SSH2: variants seen among roughly 807,000 people sequenced by gnomAD.
The protein encoded by SSH2 is protein phosphatase Slingshot homolog 2.
In SSH2, 37 loss-of-function variants were observed where a neutral mutation model predicts 135.2. The observed-to-expected ratio is 0.27, with a 90% CI of 0.21 to 0.36. SSH2 has a LOEUF of 0.36. Ranked by LOEUF, SSH2 falls within the 10% of genes least tolerant of loss-of-function variation. The pLI, the probability that SSH2 is intolerant of heterozygous loss-of-function variation, is 1.00. For synonymous variants in SSH2, 628 were observed against 646.2 expected (o/e 0.97, Z 0.43); for missense variants, 1,408 against 1,765.3 (o/e 0.80, Z 3.63).
chr17:29,890,074 C>T (rs989308831), intron 1 of SSH2, among the ~76,000 whole-genome samples: 1 of 152,170 alleles, frequency 6.6e-6, no homozygotes, highest in African/African-American at 2.4e-5. Flanking sequence ...TGTTCAACAT[C>T]ATTAGCCACT....
chr17:29,639,907 A>G (rs1196089878), intron 14 of SSH2, among the ~76,000 whole-genome samples: 2 of 152,124 alleles, frequency 1.3e-5, no homozygotes, highest in Non-Finnish European at 2.9e-5. Flanking sequence ...CTCACCTATC[A>G]TGAGGATGTT....
At chr17:29,676,565 A>G in intron 8 of SSH2, 1 of 411,764 alleles carries the variant, frequency 2.4e-6, no homozygotes, top group East Asian at 4.8e-5. Flanking sequence ...GGCTTATCTA[A>G]ACCGTTAAGT....
chr17:29,761,178 C>G lies in SSH2; in HGVS notation c.188+32716G>C, dbSNP rs766810704. On this transcript the variant is annotated intron_variant, in intron 3 of 15. Transcript: ENST00000540801. ...TGGTTGATGGCGTTCTGCGAGATGA[C>G]CGCGTTGGCGGAGAAGTAAGGAATC... is the stretch of plus-strand genomic sequence containing the variant. The G allele has an allele frequency of 6.2e-6, 8 of 1,289,650 alleles. No homozygotes were observed. The Admixed American group carries it at 1.8e-4, about 30-fold the overall frequency. The allele number at this position is 1,289,650 out of a possible 1,614,324, so 79.9% of individuals were successfully genotyped here.
chr17:29,889,802 CAAAAA>C (rs534822390), intron 1 of SSH2, among the ~76,000 whole-genome samples: 4 of 49,472 alleles, frequency 8.1e-5, no homozygotes, highest in African/African-American at 1.5e-4. Context: ...CCATCTCTAC[CAAAAA>C]AAAAAAAAAA....
chr17:29,854,468 T>C (rs760369313), intron 1 of SSH2, among the ~76,000 whole-genome samples: 1 of 151,796 alleles, frequency 6.6e-6, no homozygotes, highest in Non-Finnish European at 1.5e-5. Context: ...AAGAAAAACA[T>C]CTGCACCATA....
In SSH2 at chr17:29,789,579, G is replaced by T. The variant is rs149949445; in HGVS notation, c.188+4315C>A. 8.3e-4 allele frequency among the ~76,000 whole-genome samples: 126 copies of T among 152,274 alleles called. 1 individual carries two copies. The East Asian group carries it at 0.021, about 25-fold the overall frequency. ...TTCTACTCTCATCACACCCACCATG[G>T]GTGGCGATCAGGGAGCAGGCTGTCT... is the stretch of plus-strand genomic sequence containing the variant. On this transcript the variant is annotated intron_variant, in intron 3 of 15. Coordinates refer to ENST00000540801, the MANE Select transcript of SSH2 (RefSeq NM_001282129.2).
rs376992642 is a variant in SSH2, at chr17:29,879,259, T to C, written c.64-30330A>G. On this transcript the variant is annotated intron_variant, in intron 1 of 15. Transcript: ENST00000540801. The stretch of plus-strand genomic sequence containing the variant: ...TTATGGATATACACGGACTCAGCCA[T>C]GTTATCTATCCAAGGTGAGTGATAA... 2.0e-5 allele frequency among the ~76,000 whole-genome samples: 3 copies of C among 152,288 alleles called. No individual in the cohort carries two copies. The South Asian group carries it at 6.2e-4, about 32-fold the overall frequency.
chr17:29,694,690 T>C (rs1458607493), intron 5 of SSH2, among the ~76,000 whole-genome samples: 1 of 152,046 alleles, frequency 6.6e-6, no homozygotes, highest in Non-Finnish European at 1.5e-5. Flanking sequence ...TATGGTAAAT[T>C]AAGAACCCAT....
At chr17:29,800,771 A>T (rs2151313067) in intron 2 of SSH2, among the ~76,000 whole-genome samples, 1 of 151,914 alleles carries the variant, frequency 6.6e-6, no homozygotes, top group South Asian at 2.1e-4. Flanking sequence ...GAGTATAATT[A>T]CTTCTTATGT....
chr17:29,744,927 C>G (rs1004921159), intron 3 of SSH2, among the ~76,000 whole-genome samples: 2 of 151,084 alleles, frequency 1.3e-5, no homozygotes, highest in African/African-American at 2.4e-5. Context: ...CATAAAGCCA[C>G]TAGCAGATAG....
intron 2 of SSH2, among the ~76,000 whole-genome samples, chr17:29,795,851 C>G (rs2042147217): frequency 2.6e-5 from 4 of 152,092 alleles, no homozygotes; most frequent in Admixed American, 1.3e-4. Flanking sequence ...AAGCAATTCT[C>G]CAGTCTCAGC....
At chr17:29,706,618 A>G (rs1438894897) in intron 3 of SSH2, among the ~76,000 whole-genome samples, 1 of 152,208 alleles carries the variant, frequency 6.6e-6, no homozygotes, top group Non-Finnish European at 1.5e-5. Flanking sequence ...TGAAATTCAC[A>G]CTTTTGCCAA....
chr17:29,880,041 G>A (rs1483461107), intron 1 of SSH2, among the ~76,000 whole-genome samples: 2 of 152,174 alleles, frequency 1.3e-5, no homozygotes, highest in Admixed American at 6.5e-5. Context: ...ATGCTGCTAG[G>A]ATGAACAGCC....
At chr17:29,818,351 C>A (rs192583061) in intron 2 of SSH2, among the ~76,000 whole-genome samples, 2 of 151,482 alleles carry the variant, frequency 1.3e-5, no homozygotes, top group East Asian at 3.9e-4. Context: ...TGGGTTCATG[C>A]CATTCTCCTG....
chr17:29,914,303 G>C (rs1004621857), intron 1 of SSH2, among the ~76,000 whole-genome samples: 1 of 152,066 alleles, frequency 6.6e-6, no homozygotes, highest in Non-Finnish European at 1.5e-5. Context: ...GCTCACACCT[G>C]TAATCCCAAC....
At chr17:29,732,884 G>C (rs1157602544) in intron 3 of SSH2, among the ~76,000 whole-genome samples, 1 of 152,104 alleles carries the variant, frequency 6.6e-6, no homozygotes, top group Admixed American at 6.5e-5. Flanking sequence ...CATAACTCTG[G>C]TACAGTCATG....
intron 2 of SSH2, among the ~76,000 whole-genome samples, chr17:29,802,307 G>A (rs1292882230): frequency 6.6e-6 from 1 of 152,142 alleles, no homozygotes; most frequent in African/African-American, 2.4e-5. Flanking sequence ...GTATTGTAGT[G>A]GGGGAGACAG....
chr17:29,725,722 G>A (rs2039981893), intron 3 of SSH2, among the ~76,000 whole-genome samples: 1 of 152,164 alleles, frequency 6.6e-6, no homozygotes, highest in Admixed American at 6.5e-5. Flanking sequence ...CACAGGGAAG[G>A]GAACATCACA....
intron 3 of SSH2, among the ~76,000 whole-genome samples, chr17:29,769,121 T>A (rs530004111): frequency 1.3e-5 from 2 of 152,318 alleles, no homozygotes; most frequent in African/African-American, 4.8e-5. Flanking sequence ...AATCCTATGA[T>A]TCTATTATTA....
Sources: allele counts gnomAD v4.1 joint callset (sites outside exome capture counted in the v4.1 genomes callset), GRCh38; gene constraint gnomAD v4.1.1; transcripts MANE v1.5; gene names NCBI Gene and HGNC (gene_info 2026-07-23, HGNC 2026-07-21).